Variants in ABCA13 observed in about 807,000 individuals in gnomAD.
The protein encoded by ABCA13 is ATP binding cassette subfamily A member 13, also known as ATP-binding cassette sub-family A member 13.
In ABCA13, 476 loss-of-function variants were observed where a neutral mutation model predicts 478.7. That is an observed-to-expected ratio of 0.99 (90% confidence interval 0.92 to 1.07). The LOEUF (loss-of-function observed/expected upper bound fraction) is 1.07, where lower values mean the gene tolerates loss of function less well. Ranked by LOEUF, ABCA13 falls within the 50% of genes least tolerant of loss-of-function variation. The pLI is 0.00. For missense variants in ABCA13, 6,060 were observed against 5,910.6 expected (o/e 1.03, Z -0.83); for synonymous variants, 2,252 against 2,158.9 (o/e 1.04, Z -1.20).
At chr7:48,446,603 T>C (rs567916223) in intron 42 of ABCA13, among the ~76,000 whole-genome samples, 1 of 152,320 alleles carries the variant, frequency 6.6e-6, no homozygotes, top group South Asian at 2.1e-4. Context: ...CTGCAACCTC[T>C]CCTTTGCTTT....
chr7:48,516,152 C>A (rs1832089338), intron 51 of ABCA13, among the ~76,000 whole-genome samples: 1 of 152,184 alleles, frequency 6.6e-6, no homozygotes, highest in South Asian at 2.1e-4. Context: ...ATCTATAATT[C>A]AGTCTTACGG....
Position 48,245,514 on chromosome 7 carries a change from G to A in ABCA13, c.1393G>A (p.Val465Ile), listed in dbSNP as rs1217301893. 2 of 1,608,562 alleles carry A rather than the reference G, an allele frequency of 1.2e-6. No individual in the cohort carries two copies. The highest frequency in any genetic ancestry group is 2.2e-5 in the South Asian group (2 of 89,080). The change falls in exon 12 of 62, where the codon GTC becomes ATC. Residue 465 changes from valine to isoleucine, a missense_variant and splice_region_variant. Coordinates refer to ENST00000435803, the MANE Select transcript of ABCA13 (RefSeq NM_152701.5). ...TAATCAATTTGTCTACTTTGCAGAA[G>A]TCCTCATTTGCCTGGAGACATCAGC... Reference protein sequence around the residue: ...IAQNLHFVQEVLICLETSAND... With the variant: ...IAQNLHFVQEILICLETSAND...
intron 10 of ABCA13, among the ~76,000 whole-genome samples, chr7:48,242,324 G>A (rs1350700793): frequency 6.6e-6 from 1 of 152,046 alleles, no homozygotes; most frequent in African/African-American, 2.4e-5. Flanking sequence ...TAGGTACAAA[G>A]CTAGGATAGC....
chr7:48,622,531 G>A (rs1405079195), intron 59 of ABCA13, among the ~76,000 whole-genome samples: 5 of 152,098 alleles, frequency 3.3e-5, no homozygotes, highest in Admixed American at 1.3e-4. Flanking sequence ...TCTTAGTGAT[G>A]TTATGTCCCC....
At chr7:48,370,233 C>T (rs1812418342) in intron 32 of ABCA13, among the ~76,000 whole-genome samples, 1 of 152,088 alleles carries the variant, frequency 6.6e-6, no homozygotes, top group South Asian at 2.1e-4. Flanking sequence ...GATTTGTGTA[C>T]ATGAATTTTG....
intron 55 of ABCA13, among the ~76,000 whole-genome samples, chr7:48,556,473 T>G (rs1015053517): frequency 6.6e-6 from 1 of 152,048 alleles, no homozygotes; most frequent in African/African-American, 2.4e-5. Context: ...GCTTTATATA[T>G]CTGAGTGCTC....
Position 48,273,307 on chromosome 7 carries a change from A to C in ABCA13, c.3641A>C (p.Lys1214Thr), listed in dbSNP as rs767336028. Reference protein sequence around the residue: ...NVARLILNLFKNVTQANDFHN... With the variant: ...NVARLILNLFTNVTQANDFHN... ...GCTAGACTCATATTAAATTTGTTTA[A>C]AAATGTAACTCAAGCCAATGACTTC... is the stretch of plus-strand genomic sequence containing the variant. Residue 1214 changes from lysine to threonine, a missense_variant, in exon 17 of 62, where the codon AAA (lysine) becomes ACA (threonine). This residue lies in a region of ABCA13 where 4,423 missense variants were observed against 4,309.1 expected (regional missense o/e 1.03). Transcript: ENST00000435803. 8.7e-6 allele frequency: 14 copies of C among 1,613,536 alleles called. No homozygotes were observed. Among genetic ancestry groups the C allele is most frequent in the Non-Finnish European group, 1.1e-5 (13 of 1,179,764 alleles).
chr7:48,389,942 TAATAAG>T (rs2129053743), intron 37 of ABCA13, among the ~76,000 whole-genome samples: 1 of 152,320 alleles, frequency 6.6e-6, no homozygotes, highest in African/African-American at 2.4e-5. Flanking sequence ...GCCTCAGACT[TAATAAG>T]AAAGGTAGAA....
chr7:48,293,117 G>C (rs1183182431), intron 20 of ABCA13, among the ~76,000 whole-genome samples: 11 of 151,428 alleles, frequency 7.3e-5, no homozygotes, highest in African/African-American at 2.7e-4. Flanking sequence ...TTTGTGGTTT[G>C]GTTGAGGCGG....
chr7:48,501,880 GAC>G (rs1202420886), intron 48 of ABCA13, among the ~76,000 whole-genome samples: 1 of 152,128 alleles, frequency 6.6e-6, no homozygotes, highest in African/African-American at 2.4e-5. Flanking sequence ...TGATGAGAGA[GAC>G]ACATACCTGT....
At chr7:48,420,885 TCTTTAGTCA>T in intron 41 of ABCA13, among the ~76,000 whole-genome samples, 1 of 152,148 alleles carries the variant, frequency 6.6e-6, no homozygotes, top group East Asian at 1.9e-4. Context: ...GTTGCAGGCC[TCTTTAGTCA>T]CTGTCAATCT....
In ABCA13 at chr7:48,524,314, G is replaced by A. The variant is rs751847923; in HGVS notation, c.14118G>A (p.Lys4706=). 6.2e-7 allele frequency: 1 copy of A among 1,613,096 alleles called. No individual in the cohort carries two copies. The highest frequency in any genetic ancestry group is 1.7e-4 in the Middle Eastern group (1 of 6,056). ...SKDTDVEKEE[K]RVFEGRTNGD... The stretch of plus-strand genomic sequence containing the variant: ...ATACAGATGTTGAAAAAGAGGAAAA[G>A]AGAGTGTTTGAAGGAAGGACCAATG... Residue 4706 remains lysine, a synonymous_variant, in exon 54 of 62, where the codon AAG becomes AAA. Transcript: ENST00000435803.
chr7:48,250,724 G>T (rs1031095423), intron 15 of ABCA13, among the ~76,000 whole-genome samples: 2 of 152,156 alleles, frequency 1.3e-5, no homozygotes, highest in African/African-American at 4.8e-5. Flanking sequence ...GTTCCCCAGA[G>T]ATCTACTTTT....
chr7:48,281,492 T>G (rs1584609240), intron 19 of ABCA13, 40 bp downstream of exon 19: 1 of 1,533,728 alleles, frequency 6.5e-7, no homozygotes, highest in Non-Finnish European at 8.9e-7. Context: ...AATTGCCCTG[T>G]GCCAGTTTTC....
chr7:48,536,609 C>T (rs1833602078), intron 55 of ABCA13, among the ~76,000 whole-genome samples: 1 of 151,542 alleles, frequency 6.6e-6, no homozygotes, highest in Non-Finnish European at 1.5e-5. Context: ...GATCACACCA[C>T]TGCACCCCAG....
chr7:48,249,365 C>T lies in ABCA13; in HGVS notation c.2005+14C>T. On this transcript the variant is annotated intron_variant, in intron 15 of 61. Transcript: ENST00000435803. ...ACAGACTATTGGGTAAGTCAGTAGC[C>T]TAAACTACAGGAATGGGGGATGCTT... 6.2e-7 allele frequency: 1 copy of T among 1,611,328 alleles called. No individual in the cohort carries two copies. Among genetic ancestry groups the T allele is most frequent in the Non-Finnish European group, 8.5e-7 (1 of 1,178,752 alleles).
chr7:48,564,448 T>C (rs1786815907), intron 55 of ABCA13, among the ~76,000 whole-genome samples: 1 of 151,946 alleles, frequency 6.6e-6, no homozygotes, highest in Admixed American at 6.6e-5. Context: ...TTAATAATAA[T>C]GATTCTTAGT....
At chr7:48,325,651 G>C (rs529413888) in intron 27 of ABCA13, among the ~76,000 whole-genome samples, 1 of 152,238 alleles carries the variant, frequency 6.6e-6, no homozygotes, top group East Asian at 1.9e-4. Context: ...GCAGAAAAGA[G>C]AAAACTGGTT....
chr7:48,343,587 TTTTC>T (rs969145551), intron 29 of ABCA13, among the ~76,000 whole-genome samples: 132 of 91,116 alleles, frequency 1.4e-3, no homozygotes, highest in African/African-American at 4.5e-3. Flanking sequence ...TTTATATAGA[TTTTC>T]TTTTTTTTTT....
Sources: gnomAD v4.1 joint callset for allele counts (sites outside exome capture counted in the v4.1 genomes callset) on GRCh38, gnomAD v4.1.1 for gene constraint, gnomAD v4.1.1 regional missense constraint, MANE v1.5 for transcripts, NCBI Gene and HGNC (gene_info 2026-07-23, HGNC 2026-07-21) for gene names.